GPALPP1: variants seen among roughly 807,000 people sequenced by gnomAD.
The protein encoded by GPALPP1 is GPALPP motifs containing 1, also known as GPALPP motifs-containing protein 1.
GPALPP1 carries 30 observed loss-of-function variants against 38.9 expected under a neutral mutation model. The ratio of observed to expected loss-of-function variants is 0.77; its 90% CI spans 0.58 to 1.05. The LOEUF (loss-of-function observed/expected upper bound fraction) is 1.05, where lower values mean the gene tolerates loss of function less well. Ranked by LOEUF, GPALPP1 falls within the 50% of genes least tolerant of loss-of-function variation. GPALPP1 has a pLI of 0.00. For synonymous variants in GPALPP1, 120 were observed against 139.2 expected, an observed-to-expected ratio of 0.86 and a Z score of 0.97; for missense variants, 384 against 408.8, an observed-to-expected ratio of 0.94 and a Z score of 0.52.
intron 1 of GPALPP1, among the ~76,000 whole-genome samples, chr13:44,995,860 A>G (rs1873230307): frequency 6.6e-6 from 1 of 152,180 alleles, no homozygotes; most frequent in Non-Finnish European, 1.5e-5. Context: ...GCTGGTGCCA[A>G]GACCACAGTG....
At position 45,008,874 on chromosome 13, in the gene GPALPP1, C is replaced by T; in HGVS notation, c.403C>T (p.Gln135Ter). Residue 135 changes from glutamine (Q) to a stop codon, truncating the protein, a stop_gained, in exon 4 of 8, where the codon CAA becomes TAA. Transcript: ENST00000379151. LOFTEE classifies it high-confidence loss of function. ...KSDKGRDDPGQQETDSSEDED... is the reference protein window; with the variant it reads ...KSDKGRDDPG ...TGACAAGGGCAGAGATGATCCAGGA[C>T]AACAGGTATCATCATCCCATTTCAA... 1 of 1,538,158 alleles carries T rather than the reference C, an allele frequency of 6.5e-7. No individual in the cohort carries two copies. Among genetic ancestry groups the T allele is most frequent in the East Asian group, 2.2e-5 (1 of 44,452 alleles).
intron 4 of GPALPP1, among the ~76,000 whole-genome samples, chr13:45,010,758 T>G (rs1593394551): frequency 6.6e-6 from 1 of 152,064 alleles, no homozygotes; most frequent in Non-Finnish European, 1.5e-5. Flanking sequence ...CCAAGGCGGG[T>G]GGGTTGCTTG....
intron 1 of GPALPP1, among the ~76,000 whole-genome samples, chr13:44,997,902 T>A (rs1247255810): frequency 6.6e-6 from 1 of 152,158 alleles, no homozygotes; most frequent in Non-Finnish European, 1.5e-5. Flanking sequence ...TTCCTAATGC[T>A]GCTAGAAGAA....
chr13:45,002,510 A>G (rs1433543294), intron 1 of GPALPP1: 1 of 152,258 alleles, frequency 6.6e-6, no homozygotes, highest in Non-Finnish European at 1.5e-5. Context: ...TGTAGCCTGT[A>G]CTAGCATTTA....
downstream of GPALPP1, chr13:45,033,398 G>T (rs1012113435): frequency 1.2e-4 from 18 of 149,488 alleles, no homozygotes; most frequent in South Asian, 8.6e-4. Flanking sequence ...GCCATCATGA[G>T]ATTTAAGTCT....
chr13:45,015,201 T>A (rs1593398026), intron 5 of GPALPP1, 118 bp downstream of exon 5: 2 of 680,536 alleles, frequency 2.9e-6, no homozygotes, highest in Non-Finnish European at 4.5e-6. Flanking sequence ...AACATTTTTT[T>A]AAATTTAGGA....
At chr13:45,008,588 C>A (rs1874261106) in intron 3 of GPALPP1, among the ~76,000 whole-genome samples, 1 of 152,050 alleles carries the variant, frequency 6.6e-6, no homozygotes, top group East Asian at 1.9e-4. Flanking sequence ...TATTGACTAA[C>A]AAGTAGAAAA....
At position 44,989,692 on chromosome 13, in the gene GPALPP1, G is replaced by A; in HGVS notation, c.38G>A (p.Gly13Asp). Reference protein sequence around the residue: ...RDLIGPALPPGFKARGTAEDE... With the variant: ...RDLIGPALPPDFKARGTAEDE... ...CTGATCGGACCGGCCCTGCCGCCCG[G>A]CTTCAAGGCCCGCGGAACAGCGGAG... is the stretch of plus-strand genomic sequence containing the variant. Residue 13 changes from glycine to aspartate, a missense_variant, in exon 1 of 8, where the codon GGC becomes GAC. Transcript: ENST00000379151. 2 of 1,612,214 alleles carry A rather than the reference G, an allele frequency of 1.2e-6. No individual in the cohort carries two copies. Among genetic ancestry groups the A allele is most frequent in the Non-Finnish European group, 8.5e-7 (1 of 1,179,932 alleles).
At position 45,015,122 on chromosome 13, in the gene GPALPP1, A is replaced by T. The variant is rs760480591; in HGVS notation, c.540+39A>T. On this transcript the variant is annotated intron_variant, in intron 5 of 7. Coordinates refer to ENST00000379151, the MANE Select transcript of GPALPP1 (RefSeq NM_018559.5). ...ACACTTTAAGAAATACACTAAATAG[A>T]TTAAAAATCTAAATTTTAGAAATAA... 3 of 1,295,124 alleles carry T rather than the reference A, an allele frequency of 2.3e-6. No homozygotes were observed. In the East Asian group the frequency reaches 7.5e-5, roughly 33 times the overall value. 80.2% of individuals were successfully genotyped at this position (1,295,124 alleles called of 1,614,324 possible). A position where few individuals can be genotyped will look rare whatever the true frequency, so the allele number is the denominator to read the frequency against.
Position 45,028,032 on chromosome 13 carries a change from A to C in GPALPP1, c.*29A>C. On this transcript the variant is annotated 3_prime_UTR_variant, in exon 8 of 8. Coordinates refer to ENST00000379151, the MANE Select transcript of GPALPP1 (RefSeq NM_018559.5). ...AGTATATTTCAGTGAGGTATATTTT[A>C]ATACTGATCAATGTGAACTTTTCTA... The C allele has an allele frequency of 9.1e-7, 1 of 1,097,430 alleles. No individual in the cohort carries two copies. Among genetic ancestry groups the C allele is most frequent in the Non-Finnish European group, 1.4e-6 (1 of 722,744 alleles). The allele number at this position is 1,097,430 out of a possible 1,614,324, so 68.0% of individuals were successfully genotyped here. A position where few individuals can be genotyped will look rare whatever the true frequency, so the allele number is the denominator to read the frequency against.
rs145788277 is a variant in GPALPP1 at position 45,020,347 on chromosome 13, G to A, written c.723G>A (p.Arg241=). ...TTCCTCAGGAAACACAAGAAGCAAGGAAGTCATCCAGTAAGAAAGATGAAG... is the reference window on the plus strand; with the variant it reads ...TTCCTCAGGAAACACAAGAAGCAAGAAAGTCATCCAGTAAGAAAGATGAAG... The part of the protein sequence containing the change: ...ERKAKETQEA[R]KSSSKKDEEH... Residue 241 remains arginine (R), a synonymous_variant, in exon 7 of 8, where the codon AGG becomes AGA. Coordinates refer to ENST00000379151, the MANE Select transcript of GPALPP1 (RefSeq NM_018559.5). 512 of 1,474,968 alleles carry A rather than the reference G, an allele frequency of 3.5e-4. 6 individuals carry two copies. The African/African-American group carries it at 5.9e-3, about 17-fold the overall frequency. The allele number at this position is 1,474,968 out of a possible 1,614,324, so 91.4% of individuals were successfully genotyped here. A position where few individuals can be genotyped will look rare whatever the true frequency, so the allele number is the denominator to read the frequency against.
chr13:45,010,768 G>A (rs1874413516), intron 4 of GPALPP1, among the ~76,000 whole-genome samples: 1 of 152,188 alleles, frequency 6.6e-6, no homozygotes, highest in African/African-American at 2.4e-5. Flanking sequence ...TGGGTTGCTT[G>A]AGCTCAGGAG....
downstream of GPALPP1, chr13:45,033,826 G>C (rs1593414389): frequency 6.6e-6 from 1 of 152,164 alleles, no homozygotes; most frequent in Non-Finnish European, 1.5e-5. Context: ...ACACAAGACA[G>C]ACAAACTGGA....
chr13:45,006,176 A>C (rs771926430), intron 2 of GPALPP1, 26 bp from the exon 3 acceptor site: 4 of 1,398,672 alleles, frequency 2.9e-6, no homozygotes, highest in Non-Finnish European at 4.0e-6. Context: ...ACATATATGC[A>C]TAAAGTTATA....
rs183702286 is a variant in GPALPP1, at chr13:44,991,193, G to A, written c.88+1451G>A. On this transcript the variant is annotated intron_variant, in intron 1 of 7. Coordinates refer to ENST00000379151, the MANE Select transcript of GPALPP1 (RefSeq NM_018559.5). Reference sequence around the variant, plus strand: ...GCCAGGTGCGGTGGCTCACGCCTGTGAACCCAGCGCTTTGGGAGGCCGAGG... The same window carrying A: ...GCCAGGTGCGGTGGCTCACGCCTGTAAACCCAGCGCTTTGGGAGGCCGAGG... Among the ~76,000 whole-genome samples the A allele has an allele frequency of 2.8e-3, 427 of 152,116 alleles. 3 individuals are homozygous for A. The South Asian group carries it at 0.031, about 11-fold the overall frequency.
At chr13:44,994,090 T>C (rs1044419959) in intron 1 of GPALPP1, among the ~76,000 whole-genome samples, 1 of 150,896 alleles carries the variant, frequency 6.6e-6, no homozygotes, top group African/African-American at 2.4e-5. Flanking sequence ...AGGTAGTGCA[T>C]GCCTGTAGTC....
chr13:44,995,169 AACACACACACACAC>A (rs371911111), intron 1 of GPALPP1, among the ~76,000 whole-genome samples: 2 of 128,532 alleles, frequency 1.6e-5, no homozygotes, highest in Non-Finnish European at 3.2e-5. Flanking sequence ...CCTATCTTTA[AACACACACACACAC>A]ACACACACAC....
At position 45,004,377 on chromosome 13, in the gene GPALPP1, G is replaced by A. The variant is rs1347144086; in HGVS notation, c.161G>A (p.Ser54Asn). The change falls in exon 2 of 8, where the codon AGT (serine) becomes AAT (asparagine). Residue 54 changes from serine to asparagine, a missense_variant. By Grantham distance (46) the Ser-to-Asn change is conservative. Coordinates refer to ENST00000379151, the MANE Select transcript of GPALPP1 (RefSeq NM_018559.5). The part of the protein sequence containing the change: ...SDSSDSDEDS[S>N]SLYEEGNQES... ...TCATCAGACAGCGATGAAGACAGTA[G>A]TTCTTTGTACGAAGAAGGAAATCAA... 2 of 1,607,692 alleles carry A rather than the reference G, an allele frequency of 1.2e-6. No individual in the cohort carries two copies. The highest frequency in any genetic ancestry group is 3.3e-5 in the Admixed American group (2 of 60,010).
At chr13:44,994,409 G>A (rs892081615) in intron 1 of GPALPP1, among the ~76,000 whole-genome samples, 6 of 151,472 alleles carry the variant, frequency 4.0e-5, no homozygotes, top group Admixed American at 2.0e-4. Flanking sequence ...GAGAAACCCC[G>A]TCTCTACTAA....
Sources: gnomAD v4.1 joint callset for allele counts (sites outside exome capture counted in the v4.1 genomes callset) on GRCh38, gnomAD v4.1.1 for gene constraint, MANE v1.5 for transcripts, NCBI Gene and HGNC (gene_info 2026-07-23, HGNC 2026-07-21) for gene names.